The following NIBAN3 variants were observed in gnomAD, a reference collection of about 807,000 sequenced individuals.
NIBAN3 encodes niban apoptosis regulator 3, also known as protein Niban 3.
A neutral mutation model predicts 76.4 loss-of-function variants in NIBAN3; 66 were observed. That is an observed-to-expected ratio of 0.86 (90% confidence interval 0.71 to 1.06). NIBAN3 has a LOEUF of 1.06. Ranked by LOEUF, NIBAN3 falls within the 50% of genes least tolerant of loss-of-function variation. NIBAN3 has a pLI of 0.00. For missense variants in NIBAN3, 808 were observed against 810.7 expected (o/e 1.00, Z 0.04); for synonymous variants, 360 against 355.2 (o/e 1.01, Z -0.15).
rs1204753905 is a variant in NIBAN3 at position 17,551,688 on chromosome 19, G to C, written c.1751-98G>C. 6.7e-6 allele frequency: 4 copies of C among 596,248 alleles called. No homozygotes were observed. The South Asian group carries it at 7.6e-5, about 11-fold the overall frequency. 36.9% of individuals were successfully genotyped at this position (596,248 alleles called of 1,614,324 possible). A position where few individuals can be genotyped will look rare whatever the true frequency, so the allele number is the denominator to read the frequency against. ...TTACAGGCATGAGCCATTGCGCCCA[G>C]CCAACATCTCTATTAACTCTGATTT... On this transcript the variant is annotated intron_variant, in intron 14 of 14. Transcript: ENST00000599164.
In NIBAN3 at chr19:17,532,286, C is replaced by A. The variant is rs2075742097; in HGVS notation, c.210C>A (p.His70Gln). Residue 70 changes from histidine (H) to glutamine (Q), a missense_variant, in exon 3 of 15, where the codon CAC becomes CAA. Transcript: ENST00000599164. ...AGAAGCTGCCCCGAGTCCGTGAGCA[C>A]CGAGGACCCCTGACCCAGCTTCGGG... ...RSKKLPRVRE[H>Q]RGPLTQLRGH... 6.2e-7 allele frequency: 1 copy of A among 1,613,286 alleles called. No individual in the cohort carries two copies. The highest frequency in any genetic ancestry group is 8.5e-7 in the Non-Finnish European group (1 of 1,179,598).
chr19:17,533,591 A>G lies in NIBAN3; in HGVS notation c.317A>G (p.Tyr106Cys). The change falls in exon 4 of 15, where the codon TAT becomes TGT. Residue 106 changes from tyrosine (Y) to cysteine (C), a missense_variant. Physicochemically the swap from Tyr to Cys is radical, Grantham distance 194. Transcript: ENST00000599164. The stretch of plus-strand genomic sequence containing the variant: ...TTCTCTGGGTACCTTTTGTAGGAAT[A>G]TGAAAACGGGGGCCACTGCCTTGGC... Reference protein sequence around the residue: ...RLEWFSHKEEYENGGHCLGST... With the variant: ...RLEWFSHKEECENGGHCLGST... 3 of 1,613,262 alleles carry G rather than the reference A, an allele frequency of 1.9e-6. No homozygotes were observed. The highest frequency in any genetic ancestry group is 2.5e-6 in the Non-Finnish European group (3 of 1,179,270).
intron 3 of NIBAN3, among the ~76,000 whole-genome samples, chr19:17,532,816 G>A (rs765872083): frequency 2.6e-5 from 4 of 152,230 alleles, no homozygotes; most frequent in Non-Finnish European, 4.4e-5. Context: ...GGACCGGACC[G>A]GCACGTGGGG....
intron 12 of NIBAN3, among the ~76,000 whole-genome samples, chr19:17,544,458 G>C (rs1216468648): frequency 6.6e-6 from 1 of 152,242 alleles, no homozygotes; most frequent in Non-Finnish European, 1.5e-5. Flanking sequence ...TGGTGACATG[G>C]GCATCAGTGG....
chr19:17,554,929 C>CAAA (rs539980884), downstream of NIBAN3, among the ~76,000 whole-genome samples: 2 of 92,144 alleles, frequency 2.2e-5, no homozygotes, highest in African/African-American at 7.3e-5. Flanking sequence ...GACTCCGTCT[C>CAAA]AAAAAAAAAA....
chr19:17,532,500 C>T lies in NIBAN3; in HGVS notation c.312+112C>T, dbSNP rs1032121059. The T allele has an allele frequency of 2.6e-6, 4 of 1,516,020 alleles. No homozygotes were observed. The South Asian group carries it at 4.5e-5, about 17-fold the overall frequency. 93.9% of individuals were successfully genotyped at this position (1,516,020 alleles called of 1,614,324 possible). A position where few individuals can be genotyped will look rare whatever the true frequency, so the allele number is the denominator to read the frequency against. On this transcript the variant is annotated intron_variant, in intron 3 of 14. Transcript: ENST00000599164. Reference sequence around the variant, plus strand: ...GCATAGCCCCACCTCTATCAATCACCCAGGATGAATCTTGTGCCCCTATGT... The same window carrying T: ...GCATAGCCCCACCTCTATCAATCACTCAGGATGAATCTTGTGCCCCTATGT...
intron 9 of NIBAN3, among the ~76,000 whole-genome samples, chr19:17,541,651 TATTTTA>T (rs1413050538): frequency 2.2e-4 from 1 of 4,608 alleles, no homozygotes. Context: ...CTACTTATTT[TATTTTA>T]TTTTATTTTA....
chr19:17,536,598 A>T (rs2075828355), intron 4 of NIBAN3, among the ~76,000 whole-genome samples: 1 of 152,092 alleles, frequency 6.6e-6, no homozygotes, highest in Non-Finnish European at 1.5e-5. Context: ...TGTTTTTAAT[A>T]AAAAATATCT....
intron 13 of NIBAN3, among the ~76,000 whole-genome samples, 193 bp from the exon 14 acceptor site, chr19:17,549,251 G>T (rs1305208617): frequency 6.6e-6 from 1 of 152,152 alleles, no homozygotes; most frequent in African/African-American, 2.4e-5. Context: ...GACTGGCAGT[G>T]TCCAGGCTCA....
In NIBAN3 at chr19:17,537,452, C is replaced by T. The variant is rs376855441; in HGVS notation, c.504C>T (p.Phe168=). ...VSFPLFLQHP[F]RRHLCFSAAT... ...TCCCGCTGTTCCTGCAGCACCCCTT[C>T]CGCCGGCACCTCTGCTTCTCTGCAG... is the stretch of plus-strand genomic sequence containing the variant. The change falls in exon 5 of 15, where the codon TTC becomes TTT. Residue 168 remains phenylalanine (F), a synonymous_variant. Transcript: ENST00000599164. The T allele has an allele frequency of 6.2e-7, 1 of 1,613,884 alleles. No homozygotes were observed. The highest frequency in any genetic ancestry group is 1.3e-5 in the African/African-American group (1 of 74,930).
In NIBAN3 at chr19:17,543,507, C is replaced by T. The variant is rs746970135; in HGVS notation, c.1447-17C>T. The T allele has an allele frequency of 1.9e-6, 3 of 1,613,552 alleles. No individual in the cohort carries two copies. Among genetic ancestry groups the T allele is most frequent in the African/African-American group, 1.3e-5 (1 of 74,872 alleles). ...GCTCAGATGGTTGCTGGACGCACCG[C>T]TGGGTGTGTTGTGCAGAAATTCAAA... On this transcript the variant is annotated splice_polypyrimidine_tract_variant and intron_variant, in intron 11 of 14. Coordinates refer to ENST00000599164, the MANE Select transcript of NIBAN3 (RefSeq NM_001321827.2).
intron 12 of NIBAN3, chr19:17,546,027 C>T (rs534083811): frequency 1.2e-5 from 5 of 420,540 alleles, no homozygotes; most frequent in Non-Finnish European, 2.4e-5. Flanking sequence ...TTCCCAGACG[C>T]TGGCGTCACC....
Position 17,551,893 on chromosome 19 carries a change from A to T in NIBAN3, c.1858A>T (p.Ser620Cys), listed in dbSNP as rs1362356983. 1.3e-6 allele frequency: 1 copy of T among 777,880 alleles called. No homozygotes were observed. The highest frequency in any genetic ancestry group is 1.7e-5 in the African/African-American group (1 of 59,198). The allele number at this position is 777,880 out of a possible 1,614,324, so 48.2% of individuals were successfully genotyped here. A position where few individuals can be genotyped will look rare whatever the true frequency, so the allele number is the denominator to read the frequency against. ...CPPPSPGTFR[S>C] The stretch of plus-strand genomic sequence containing the variant: ...ACCGCCTTCTCCAGGAACATTCCGG[A>T]GCTGAATCTTCACCCACATCTATCT... The change falls in exon 15 of 15, where the codon AGC (serine) becomes TGC (cysteine). Residue 620 changes from serine to cysteine, a missense_variant. By Grantham distance (112) the Ser-to-Cys change is moderately radical. Transcript: ENST00000599164.
In NIBAN3 at chr19:17,542,418, G is replaced by GTCCCCATGAGACT; in HGVS notation, c.1329+124_1329+125insTCCCCATGAGACT. On this transcript the variant is annotated intron_variant, in intron 10 of 14. Transcript: ENST00000599164. This position sits in a 1 kb window ranked among gnomAD's most constrained non-coding sequence, Gnocchi z 4.8. ...AACTCCGCGGGGCTGCCAGTCTCAT[G>GTCCCCATGAGACT]GGGACATGAGCCCGTGACCAGGCAG... The GTCCCCATGAGACT allele has an allele frequency of 9.4e-7, 1 of 1,066,520 alleles. No homozygotes were observed. The highest frequency in any genetic ancestry group is 1.3e-6 in the Non-Finnish European group (1 of 748,222). The allele number at this position is 1,066,520 out of a possible 1,614,324, so 66.1% of individuals were successfully genotyped here. A position where few individuals can be genotyped will look rare whatever the true frequency, so the allele number is the denominator to read the frequency against.
Position 17,532,325 on chromosome 19 carries a change from G to A in NIBAN3, c.249G>A (p.Arg83=). ...CCCAGCTTCGGGGCCACCCACCCCG[G>A]TGGCAGCCGATCTTCTGTGTTCTGC... ...PLTQLRGHPP[R]WQPIFCVLRG... is the part of the protein sequence containing the mutation. Residue 83 remains arginine (R), a synonymous_variant, in exon 3 of 15, where the codon CGG becomes CGA. Coordinates refer to ENST00000599164, the MANE Select transcript of NIBAN3 (RefSeq NM_001321827.2). 6.2e-7 allele frequency: 1 copy of A among 1,614,146 alleles called. No homozygotes were observed. The highest frequency in any genetic ancestry group is 8.5e-7 in the Non-Finnish European group (1 of 1,180,016).
intron 9 of NIBAN3, among the ~76,000 whole-genome samples, 197 bp downstream of exon 9, chr19:17,540,779 G>A (rs1205566102): frequency 2.6e-5 from 4 of 152,190 alleles, no homozygotes; most frequent in Non-Finnish European, 5.9e-5. Context: ...TGTCACCCTG[G>A]CTGAAGTGTA....
At chr19:17,529,043 G>A (rs151046444) in intron 1 of NIBAN3, among the ~76,000 whole-genome samples, 100 of 152,316 alleles carry the variant, frequency 6.6e-4, no homozygotes, top group African/African-American at 2.4e-3. Context: ...AGGAGAAACA[G>A]CATGTGCTAA....
chr19:17,551,043 T>C (rs1182713766), intron 14 of NIBAN3, among the ~76,000 whole-genome samples: 1 of 151,888 alleles, frequency 6.6e-6, no homozygotes, highest in Non-Finnish European at 1.5e-5. Flanking sequence ...TTCTCTCCTA[T>C]CCTTCACCCT....
At chr19:17,540,300 C>T (rs1353068938) in intron 8 of NIBAN3, 92 bp from the exon 9 acceptor site, 10 of 930,146 alleles carry the variant, frequency 1.1e-5, no homozygotes, top group African/African-American at 1.7e-5. Context: ...CTCAGCGTCC[C>T]TGCTCGCGTC....
Sources: gnomAD v4.1 joint callset for allele counts (sites outside exome capture counted in the v4.1 genomes callset) on GRCh38, gnomAD v4.1.1 for gene constraint, Gnocchi (gnomAD v3.1) non-coding constraint, MANE v1.5 for transcripts, NCBI Gene and HGNC (gene_info 2026-07-23, HGNC 2026-07-21) for gene names.